The following FBXL17 variants were observed in gnomAD, a reference collection of about 807,000 sequenced individuals.
The protein encoded by FBXL17 is F-box/LRR-repeat protein 17.
A neutral mutation model predicts 66.2 loss-of-function variants in FBXL17; 22 were observed. That is an observed-to-expected ratio of 0.33 (90% confidence interval 0.24 to 0.47). FBXL17 has a LOEUF of 0.47. Ranked by LOEUF, FBXL17 falls within the 20% of genes least tolerant of loss-of-function variation. The pLI is 1.00. For missense variants in FBXL17, 878 were observed against 948.2 expected (o/e 0.93, Z 0.97); for synonymous variants, 474 against 400.5 (o/e 1.18, Z -2.19).
intron 7 of FBXL17, among the ~76,000 whole-genome samples, chr5:108,011,640 C>G (rs983515471): frequency 2.0e-5 from 3 of 151,898 alleles, no homozygotes; most frequent in African/African-American, 7.3e-5. Context: ...CCTGTCTCTA[C>G]TAAAAATACA....
At chr5:108,260,368 C>T (rs1438955281) in intron 4 of FBXL17, among the ~76,000 whole-genome samples, 1 of 152,120 alleles carries the variant, frequency 6.6e-6, no homozygotes, top group African/African-American at 2.4e-5. Context: ...GTCATCCGCC[C>T]TTCCCAATTC....
At position 108,185,302 on chromosome 5, in the gene FBXL17, T is replaced by C. The variant is rs951235689; in HGVS notation, c.1745+815A>G. 1.5e-4 allele frequency among the ~76,000 whole-genome samples: 23 copies of C among 152,264 alleles called. No individual in the cohort carries two copies. The East Asian group carries it at 3.1e-3, about 20-fold the overall frequency. ...GGAGGAAGGGCCTGTTTGGAGGTGA[T>C]TGGATCATGGGGGCAGATTTACCCC... is the stretch of plus-strand genomic sequence containing the variant. On this transcript the variant is annotated intron_variant, in intron 6 of 8. Transcript: ENST00000542267.
chr5:108,344,834 A>C (rs1747156080), intron 4 of FBXL17, among the ~76,000 whole-genome samples: 1 of 152,254 alleles, frequency 6.6e-6, no homozygotes, highest in South Asian at 2.1e-4. Context: ...GGCATGCACT[A>C]TACAAAAGTG....
intron 7 of FBXL17, among the ~76,000 whole-genome samples, chr5:107,888,333 C>T (rs1358381128): frequency 6.6e-6 from 1 of 152,118 alleles, no homozygotes; most frequent in African/African-American, 2.4e-5. Flanking sequence ...GTCTGAAAAT[C>T]AAGTGTCACT....
chr5:108,261,754 A>G (rs1335613000), intron 4 of FBXL17, among the ~76,000 whole-genome samples: 1 of 151,670 alleles, frequency 6.6e-6, no homozygotes, highest in Non-Finnish European at 1.5e-5. Flanking sequence ...TAAACTAAAC[A>G]CAAGCTTAAA....
intron 7 of FBXL17, among the ~76,000 whole-genome samples, chr5:107,931,884 T>G (rs1464245437): frequency 3.3e-5 from 5 of 152,220 alleles, no homozygotes; most frequent in African/African-American, 9.6e-5. Context: ...CATGTCTGTC[T>G]TCTTGACATA....
intron 7 of FBXL17, among the ~76,000 whole-genome samples, chr5:107,942,527 T>G (rs1052331867): frequency 2.0e-5 from 3 of 152,150 alleles, no homozygotes; most frequent in Non-Finnish European, 2.9e-5. Context: ...ATTTGCCCAT[T>G]ACATTAGCTT....
At chr5:108,316,585 A>G (rs570678158) in intron 4 of FBXL17, among the ~76,000 whole-genome samples, 3 of 151,578 alleles carry the variant, frequency 2.0e-5, no homozygotes, top group Non-Finnish European at 4.4e-5. Flanking sequence ...AACACTGAAG[A>G]GCATTTTTAA....
At chr5:108,266,094 A>C (rs1367545808) in intron 4 of FBXL17, among the ~76,000 whole-genome samples, 2 of 152,116 alleles carry the variant, frequency 1.3e-5, no homozygotes, top group Non-Finnish European at 2.9e-5. Flanking sequence ...GCACATACTA[A>C]AAATATACGA....
chr5:108,345,938 G>T (rs1418009926), intron 4 of FBXL17, among the ~76,000 whole-genome samples: 1 of 152,052 alleles, frequency 6.6e-6, no homozygotes, highest in Non-Finnish European at 1.5e-5. Context: ...AAGAGAATTA[G>T]CAAAATAATT....
intron 3 of FBXL17, among the ~76,000 whole-genome samples, chr5:108,353,340 A>T (rs115493848): frequency 0.011 from 1,602 of 152,312 alleles, 40 homozygotes; most frequent in African/African-American, 0.036. Context: ...GGGCTAGAGT[A>T]GGAAAACCTG....
At chr5:108,246,022 C>A (rs992844305) in intron 4 of FBXL17, among the ~76,000 whole-genome samples, 1 of 152,200 alleles carries the variant, frequency 6.6e-6, no homozygotes, top group Non-Finnish European at 1.5e-5. Flanking sequence ...CAGTGCCTCA[C>A]AATGTCTGTC....
intron 4 of FBXL17, among the ~76,000 whole-genome samples, chr5:108,264,293 C>T (rs1756959160): frequency 6.8e-6 from 1 of 146,346 alleles, no homozygotes; most frequent in Non-Finnish European, 1.5e-5. Flanking sequence ...CTAACTGATT[C>T]AGAAAGACAA....
At chr5:108,007,656 T>G (rs1241255337) in intron 7 of FBXL17, among the ~76,000 whole-genome samples, 1 of 143,402 alleles carries the variant, frequency 7.0e-6, no homozygotes, top group Non-Finnish European at 1.5e-5. Flanking sequence ...GAGTATACGG[T>G]ATGTAGGCTA....
intron 4 of FBXL17, among the ~76,000 whole-genome samples, chr5:108,278,057 G>C (rs1369877513): frequency 6.6e-6 from 1 of 152,146 alleles, no homozygotes; most frequent in African/African-American, 2.4e-5. Context: ...GGAAGGAAAA[G>C]GAGAAAAGGC....
At chr5:107,917,484 T>C (rs1014807855) in intron 7 of FBXL17, among the ~76,000 whole-genome samples, 3 of 152,214 alleles carry the variant, frequency 2.0e-5, no homozygotes, top group African/African-American at 7.2e-5. Flanking sequence ...ACAAGTCTGC[T>C]TCTTAATTGT....
intron 6 of FBXL17, among the ~76,000 whole-genome samples, chr5:108,094,359 T>C (rs1007786124): frequency 5.3e-5 from 8 of 152,128 alleles, no homozygotes; most frequent in East Asian, 3.9e-4. Context: ...CAAACTCTGG[T>C]ATACAAAGGA....
chr5:108,299,193 T>C, intron 4 of FBXL17: 3 of 984,986 alleles, frequency 3.0e-6, no homozygotes, highest in Non-Finnish European at 3.6e-6. Context: ...ATGGCAGAGT[T>C]GGACCTTTAT....
In FBXL17 at chr5:108,009,308, T is replaced by TAGATAGATAGATAGATACACAC; in HGVS notation, c.1822+11616_1822+11617insGTGTGTATCTATCTATCTATCT. The stretch of plus-strand genomic sequence containing the variant: ...ATATATATATATATATATACATATA[T>TAGATAGATAGATAGATACACAC]ACATACACATATAGTTTTGCTTTTG... On this transcript the variant is annotated intron_variant, in intron 7 of 8. Coordinates refer to ENST00000542267, the MANE Select transcript of FBXL17 (RefSeq NM_001163315.3). 2.8e-4 allele frequency among the ~76,000 whole-genome samples: 12 copies of TAGATAGATAGATAGATACACAC among 42,210 alleles called. No individual in the cohort carries two copies. In the South Asian group the frequency reaches 4.8e-3, roughly 17 times the overall value. The allele number at this position is 42,210 out of a possible 152,430, so 27.7% of individuals were successfully genotyped here. A position where few individuals can be genotyped will look rare whatever the true frequency, so the allele number is the denominator to read the frequency against.
Sources: allele counts gnomAD v4.1 joint callset (sites outside exome capture counted in the v4.1 genomes callset), GRCh38; gene constraint gnomAD v4.1.1; transcripts MANE v1.5; gene names NCBI Gene and HGNC (gene_info 2026-07-23, HGNC 2026-07-21).